SPPL2A: variants seen among roughly 807,000 people sequenced by gnomAD.
The protein encoded by SPPL2A is signal peptide peptidase-like 2A.
A neutral mutation model predicts 63.8 loss-of-function variants in SPPL2A; 51 were observed. The observed-to-expected ratio is 0.80, with a 90% CI of 0.64 to 1.01. The LOEUF (loss-of-function observed/expected upper bound fraction) is 1.01. Ranked by LOEUF, SPPL2A falls within the 50% of genes least tolerant of loss-of-function variation. The pLI is 0.00. For missense variants in SPPL2A, 553 were observed against 622.7 expected, an observed-to-expected ratio of 0.89 and a Z score of 1.19; for synonymous variants, 188 against 205.8, an observed-to-expected ratio of 0.91 and a Z score of 0.74.
At chr15:50,735,512 CAT>C (rs965123107) in intron 8 of SPPL2A, among the ~76,000 whole-genome samples, 3 of 148,708 alleles carry the variant, frequency 2.0e-5, no homozygotes, top group African/African-American at 5.0e-5. Context: ...CACACACACA[CAT>C]ACATATATAC....
At chr15:50,757,244 G>C (rs898353459) in intron 1 of SPPL2A, among the ~76,000 whole-genome samples, 3 of 151,932 alleles carry the variant, frequency 2.0e-5, no homozygotes, top group African/African-American at 7.3e-5. Context: ...CACTGCGCCC[G>C]GCTAATTTTT....
At chr15:50,725,981 G>A in intron 11 of SPPL2A, 1 of 782,626 alleles carries the variant, frequency 1.3e-6, no homozygotes, top group Non-Finnish European at 1.8e-6. Flanking sequence ...ATTTTTTTTG[G>A]CAATCTGGAT....
At chr15:50,719,547 A>G (rs1042531150) in intron 14 of SPPL2A, among the ~76,000 whole-genome samples, 2 of 152,174 alleles carry the variant, frequency 1.3e-5, no homozygotes, top group Non-Finnish European at 2.9e-5. Context: ...GCCTGGCCAG[A>G]GTACACTTTT....
At chr15:50,729,615 A>G (rs1219152170) in intron 10 of SPPL2A, among the ~76,000 whole-genome samples, 4 of 152,266 alleles carry the variant, frequency 2.6e-5, no homozygotes, top group East Asian at 3.9e-4. Flanking sequence ...ACCGAGACCC[A>G]GTCTCAAAGA....
At position 50,736,207 on chromosome 15, in the gene SPPL2A, A is replaced by G. The variant is rs1822642540; in HGVS notation, c.831-5T>C. On this transcript the variant is annotated splice_region_variant and splice_polypyrimidine_tract_variant and intron_variant, in intron 7 of 14. Transcript: ENST00000261854. ...TTTTTGCCACGACATGCAATCCTAA[A>G]AAACAGATTAAAATAGTTAACACTG... is the stretch of plus-strand genomic sequence containing the variant. The G allele has an allele frequency of 6.5e-7, 1 of 1,547,958 alleles. No individual in the cohort carries two copies. Among genetic ancestry groups the G allele is most frequent in the Non-Finnish European group, 8.9e-7 (1 of 1,120,530 alleles).
Position 50,763,742 on chromosome 15 carries a change from A to T in SPPL2A, c.66+1726T>A, listed in dbSNP as rs188420587. 6.0e-4 allele frequency among the ~76,000 whole-genome samples: 91 copies of T among 152,252 alleles called. 1 individual carries two copies. The highest frequency in any genetic ancestry group is 2.0e-3 in the African/African-American group (83 of 41,552). ...TGAAACCCCCATCTCTACTAAAAAT[A>T]CAAAAATTAGCTGGGCATGGTGGTG... On this transcript the variant is annotated intron_variant, in intron 1 of 14. Transcript: ENST00000261854.
chr15:50,720,655 G>A (rs1338864310), intron 13 of SPPL2A, among the ~76,000 whole-genome samples: 1 of 151,882 alleles, frequency 6.6e-6, no homozygotes, highest in Admixed American at 6.6e-5. Flanking sequence ...AAGTAGCTGG[G>A]ATTATAGGCA....
intron 5 of SPPL2A, among the ~76,000 whole-genome samples, chr15:50,745,599 G>C (rs145315754): frequency 0.016 from 2,327 of 146,766 alleles, 57 homozygotes; most frequent in African/African-American, 0.055. Flanking sequence ...CCAGGTTGGA[G>C]TGCAGTGGCA....
At chr15:50,730,330 T>C (rs2062720433) in intron 10 of SPPL2A, among the ~76,000 whole-genome samples, 1 of 152,020 alleles carries the variant, frequency 6.6e-6, no homozygotes, top group South Asian at 2.1e-4. Context: ...AATGAACAAA[T>C]GGACAGAAGC....
At chr15:50,749,613 A>AGTTT in intron 2 of SPPL2A, 23 bp downstream of exon 2, 1 of 1,382,270 alleles carries the variant, frequency 7.2e-7, no homozygotes, top group Non-Finnish European at 1.0e-6. Context: ...TATGTTTATG[A>AGTTT]ATAGTAACTG....
intron 1 of SPPL2A, among the ~76,000 whole-genome samples, chr15:50,757,369 AC>A (rs2062968662): frequency 6.6e-6 from 1 of 152,146 alleles, no homozygotes; most frequent in Non-Finnish European, 1.5e-5. Flanking sequence ...GGCGTGAGCC[AC>A]CACGCCCGGC....
At chr15:50,729,883 C>T (rs972925740) in intron 10 of SPPL2A, among the ~76,000 whole-genome samples, 3 of 151,812 alleles carry the variant, frequency 2.0e-5, no homozygotes, top group African/African-American at 4.8e-5. Context: ...TGCCTGTAAT[C>T]CCAATACTCT....
chr15:50,719,268 G>A (rs1291151283), intron 14 of SPPL2A, among the ~76,000 whole-genome samples: 1 of 151,894 alleles, frequency 6.6e-6, no homozygotes, highest in Non-Finnish European at 1.5e-5. Context: ...TTTTGAGATG[G>A]AGTTTCACTC....
rs542469659 is a variant in SPPL2A, at chr15:50,734,692, A to T, written c.932+1409T>A. Among the ~76,000 whole-genome samples, 148 of 152,334 alleles carry T rather than the reference A, an allele frequency of 9.7e-4. 1 individual carries two copies. The highest frequency in any genetic ancestry group is 3.3e-3 in the African/African-American group (139 of 41,590). On this transcript the variant is annotated intron_variant, in intron 8 of 14. Coordinates refer to ENST00000261854, the MANE Select transcript of SPPL2A (RefSeq NM_032802.4). ...AGAGTGAAATTGGAATGTTCCCAAC[A>T]CAAAGAAATGACAAAGGCTTGAGGT...
intron 5 of SPPL2A, among the ~76,000 whole-genome samples, chr15:50,741,414 G>T (rs1023406611): frequency 6.6e-6 from 1 of 151,060 alleles, no homozygotes; most frequent in East Asian, 1.9e-4. Context: ...AGAGTTGATG[G>T]AGACATGCTA....
chr15:50,738,589 C>T (rs1180240950), intron 6 of SPPL2A, among the ~76,000 whole-genome samples: 4 of 151,924 alleles, frequency 2.6e-5, no homozygotes, highest in Admixed American at 6.6e-5. Flanking sequence ...ATCCTAGGCC[C>T]TAGTTTTCTA....
At position 50,756,167 on chromosome 15, in the gene SPPL2A, T is replaced by C. The variant is rs141161458; in HGVS notation, c.67-6421A>G. 4.3e-3 allele frequency among the ~76,000 whole-genome samples: 653 copies of C among 151,640 alleles called. 4 individuals carry two copies. Among genetic ancestry groups the C allele is most frequent in the African/African-American group, 0.015 (631 of 41,360 alleles). The stretch of plus-strand genomic sequence containing the variant: ...CGAGGTCAGGAGATCAAGACCATCC[T>C]GGCTAACATGGTGAAACCCCGTCCC... On this transcript the variant is annotated intron_variant, in intron 1 of 14. Transcript: ENST00000261854.
chr15:50,728,255 A>G (rs1261037389), intron 10 of SPPL2A, among the ~76,000 whole-genome samples: 1 of 152,228 alleles, frequency 6.6e-6, no homozygotes, highest in East Asian at 1.9e-4. Context: ...CACTTTTGCT[A>G]TGAGATCTCT....
chr15:50,708,475 A>G (rs2062529766), intron 14 of SPPL2A, among the ~76,000 whole-genome samples: 2 of 152,104 alleles, frequency 1.3e-5, no homozygotes, highest in South Asian at 2.1e-4. Flanking sequence ...TGGGAGGCTG[A>G]GATGGGCAGA....
Sources: allele counts gnomAD v4.1 joint callset (sites outside exome capture counted in the v4.1 genomes callset), GRCh38; gene constraint gnomAD v4.1.1; transcripts MANE v1.5; gene names NCBI Gene and HGNC (gene_info 2026-07-23, HGNC 2026-07-21).